GULP1: variants seen among roughly 807,000 people sequenced by gnomAD.
The protein encoded by GULP1 is GULP PTB domain containing engulfment adaptor 1.
A neutral mutation model predicts 40.9 loss-of-function variants in GULP1; 19 were observed. The observed-to-expected ratio is 0.46, with a 90% CI of 0.32 to 0.68. GULP1 has a LOEUF of 0.68. Ranked by LOEUF, GULP1 falls within the 30% of genes least tolerant of loss-of-function variation. The pLI is 0.03. For synonymous variants in GULP1, 119 were observed against 117.6 expected (o/e 1.01, Z -0.08); for missense variants, 312 against 362.2 (o/e 0.86, Z 1.12).
At chr2:188,401,836 A>C (rs1193424560) in intron 2 of GULP1, among the ~76,000 whole-genome samples, 1 of 152,148 alleles carries the variant, frequency 6.6e-6, no homozygotes, top group South Asian at 2.1e-4. Context: ...AGATCATTTT[A>C]TGTAAGTTGT....
chr2:188,482,555 T>G (rs561427819), intron 3 of GULP1, among the ~76,000 whole-genome samples: 58 of 151,904 alleles, frequency 3.8e-4, no homozygotes, highest in African/African-American at 1.3e-3. Context: ...TCCACATAAG[T>G]GCAGATTCAA....
intron 2 of GULP1, among the ~76,000 whole-genome samples, chr2:188,403,625 G>A (rs1559200039): frequency 6.6e-6 from 1 of 152,154 alleles, no homozygotes; most frequent in Non-Finnish European, 1.5e-5. Context: ...AAAAGTATGA[G>A]ATATCCAGAA....
In GULP1 at chr2:188,427,706, A is replaced by G. The variant is rs574996837; in HGVS notation, c.-45+43817A>G. Among the ~76,000 whole-genome samples, 6 of 152,364 alleles carry G rather than the reference A, an allele frequency of 3.9e-5. No homozygotes were observed. The East Asian group carries it at 1.2e-3, about 29-fold the overall frequency. ...CCTCTGCCTAGATTTCAGAGGATAT[A>G]TAGAAAAGACTGGATGTACAGGCAG... On this transcript the variant is annotated intron_variant, in intron 2 of 11. Coordinates refer to ENST00000409830, the MANE Select transcript of GULP1 (RefSeq NM_016315.4).
At chr2:188,342,794 G>A (rs1289688830) in intron 1 of GULP1, among the ~76,000 whole-genome samples, 1 of 152,138 alleles carries the variant, frequency 6.6e-6, no homozygotes, top group Non-Finnish European at 1.5e-5. Flanking sequence ...GTAAAAATGT[G>A]TGCTGCTCTA....
At chr2:188,469,470 T>G (rs2060408204) in intron 2 of GULP1, among the ~76,000 whole-genome samples, 1 of 152,192 alleles carries the variant, frequency 6.6e-6, no homozygotes, top group African/African-American at 2.4e-5. Context: ...TGGCTCACGG[T>G]TCTGCAGGCT....
intron 1 of GULP1, among the ~76,000 whole-genome samples, chr2:188,336,158 C>CATAATA (rs1339389092): frequency 6.6e-6 from 1 of 152,086 alleles, no homozygotes; most frequent in East Asian, 1.9e-4. Flanking sequence ...AATTATAAAA[C>CATAATA]GCATGTTTTT....
rs555986513 is a variant in GULP1, at chr2:188,584,479, A to G, written c.748+76A>G. The G allele has an allele frequency of 3.2e-4, 222 of 684,474 alleles. 2 individuals carry two copies. The South Asian group carries it at 7.2e-3, about 22-fold the overall frequency. The allele number at this position is 684,474 out of a possible 1,614,324, so 42.4% of individuals were successfully genotyped here. A position where few individuals can be genotyped will look rare whatever the true frequency, so the allele number is the denominator to read the frequency against. On this transcript the variant is annotated intron_variant, in intron 10 of 11. Transcript: ENST00000409830. ...AAATATATAATTAAGACTTTGTGGG[A>G]AATTACATATCTTAACAACCTTACT... is the stretch of plus-strand genomic sequence containing the variant.
intron 7 of GULP1, among the ~76,000 whole-genome samples, chr2:188,558,016 T>C (rs966229511): frequency 6.6e-6 from 1 of 152,180 alleles, no homozygotes; most frequent in African/African-American, 2.4e-5. Flanking sequence ...GAGGGTATGC[T>C]GCAAAGGTCT....
At chr2:188,345,264 A>G (rs1305582003) in intron 1 of GULP1, among the ~76,000 whole-genome samples, 2 of 152,172 alleles carry the variant, frequency 1.3e-5, no homozygotes, top group African/African-American at 4.8e-5. Context: ...GTTTTGCACT[A>G]TCTGCCAGTT....
Position 188,522,466 on chromosome 2 carries a change from T to G in GULP1, c.91-290T>G, listed in dbSNP as rs190547604. ...ACTGTTGAGATCAACATTATTCCCT[T>G]GGGCCTAATAAAATAACTTTAGTTT... On this transcript the variant is annotated intron_variant, in intron 4 of 11. Coordinates refer to ENST00000409830, the MANE Select transcript of GULP1 (RefSeq NM_016315.4). Among the ~76,000 whole-genome samples the G allele has an allele frequency of 5.7e-4, 87 of 152,184 alleles. No individual in the cohort carries two copies. In the Middle Eastern group the frequency reaches 0.031, roughly 54 times the overall value.
At chr2:188,566,421 AAAT>A (rs1697675948) in intron 7 of GULP1, among the ~76,000 whole-genome samples, 2 of 152,080 alleles carry the variant, frequency 1.3e-5, no homozygotes, top group African/African-American at 4.8e-5. Flanking sequence ...TTATTAATAT[AAAT>A]AAATAATATG....
At chr2:188,554,272 A>G (rs184715716) in intron 7 of GULP1, among the ~76,000 whole-genome samples, 54 of 151,914 alleles carry the variant, frequency 3.6e-4, no homozygotes, top group Middle Eastern at 3.4e-3. Context: ...GAATTTTTTG[A>G]TACAGGAATT....
At position 188,532,846 on chromosome 2, in the gene GULP1, G is replaced by A. The variant is rs968456275; in HGVS notation, c.261+3651G>A. Among the ~76,000 whole-genome samples the A allele has an allele frequency of 1.3e-4, 20 of 151,782 alleles. 1 individual carries two copies. Among genetic ancestry groups the A allele is most frequent in the East Asian group, 5.8e-4 (3 of 5,138 alleles). On this transcript the variant is annotated intron_variant, in intron 6 of 11. Coordinates refer to ENST00000409830, the MANE Select transcript of GULP1 (RefSeq NM_016315.4). ...TGAGGCAGGAGAATCGCTTGAACCC[G>A]GTAGGTGGAGGTTGCAGTGAGCCAA...
At chr2:188,367,465 T>G (rs1361700725) in intron 1 of GULP1, among the ~76,000 whole-genome samples, 1 of 152,200 alleles carries the variant, frequency 6.6e-6, no homozygotes, top group Non-Finnish European at 1.5e-5. Flanking sequence ...CTTTAGCTTG[T>G]GGGCATGGCA....
At chr2:188,513,565 C>T (rs2064832988) in intron 4 of GULP1, among the ~76,000 whole-genome samples, 3 of 152,040 alleles carry the variant, frequency 2.0e-5, no homozygotes, top group East Asian at 3.9e-4. Context: ...CACTTCTTGG[C>T]TGTGAGGTAA....
At chr2:188,450,291 T>TTA (rs1302673319) in intron 2 of GULP1, among the ~76,000 whole-genome samples, 1 of 152,164 alleles carries the variant, frequency 6.6e-6, no homozygotes, top group Admixed American at 6.5e-5. Context: ...ATTACTATTT[T>TTA]TATCATAATA....
chr2:188,451,065 AC>A (rs1220827313), intron 2 of GULP1, among the ~76,000 whole-genome samples: 1 of 152,194 alleles, frequency 6.6e-6, no homozygotes, highest in African/African-American at 2.4e-5. Context: ...CTGAAAACAA[AC>A]CACCATTGGT....
chr2:188,398,429 A>G (rs1376247830), intron 2 of GULP1, among the ~76,000 whole-genome samples: 1 of 152,234 alleles, frequency 6.6e-6, no homozygotes, highest in African/African-American at 2.4e-5. Context: ...ACATCTATAT[A>G]TGTAATACAT....
At chr2:188,340,421 G>A (rs954354127) in intron 1 of GULP1, among the ~76,000 whole-genome samples, 2 of 152,134 alleles carry the variant, frequency 1.3e-5, no homozygotes, top group African/African-American at 2.4e-5. Flanking sequence ...CTCGCGGGAG[G>A]GGGAGATGCA....
Sources: gnomAD v4.1 joint callset for allele counts (sites outside exome capture counted in the v4.1 genomes callset) on GRCh38, gnomAD v4.1.1 for gene constraint, MANE v1.5 for transcripts, NCBI Gene and HGNC (gene_info 2026-07-23, HGNC 2026-07-21) for gene names.